CBL: variants seen among roughly 807,000 people sequenced by gnomAD.
CBL encodes the protein Cbl proto-oncogene, also known as E3 ubiquitin-protein ligase CBL.
In CBL, 45 loss-of-function variants were observed where a neutral mutation model predicts 96.9. The observed-to-expected ratio is 0.46, with a 90% CI of 0.37 to 0.60. CBL has a LOEUF of 0.60. CBL is among the 20% of genes least tolerant of loss of function. The probability of loss-of-function intolerance (pLI) is 0.00; values close to 1 mark genes in which losing one functional copy is unlikely to be tolerated. For missense variants in CBL, 1,024 were observed against 1,143.5 expected (o/e 0.90, Z 1.51); for synonymous variants, 420 against 426.8 (o/e 0.98, Z 0.20).
chr11:119,283,451 T>TA (rs1397968864), intron 9 of CBL, among the ~76,000 whole-genome samples: 1 of 152,000 alleles, frequency 6.6e-6, no homozygotes, highest in Non-Finnish European at 1.5e-5. Flanking sequence ...ATTTTTTTTT[T>TA]AATGAATTAC....
At position 119,304,448 on chromosome 11, in the gene CBL, G is replaced by T. The variant is rs886562978; in HGVS notation, c.*4667G>T. On this transcript the variant is annotated 3_prime_UTR_variant, in exon 16 of 16. Coordinates refer to ENST00000264033, the MANE Select transcript of CBL (RefSeq NM_005188.4). ...CAGGGTATTTCGCAGAACCCAGGAC[G>T]GGAAGTGCCTTTGGTTCTTGGGTGG... 4.3e-6 allele frequency: 1 copy of T among 232,932 alleles called. No individual in the cohort carries two copies. The highest frequency in any genetic ancestry group is 8.5e-6 in the Non-Finnish European group (1 of 117,986). The allele number at this position is 232,932 out of a possible 1,614,324, so 14.4% of individuals were successfully genotyped here.
At chr11:119,257,679 A>G (rs996293494) in intron 2 of CBL, among the ~76,000 whole-genome samples, 1 of 152,096 alleles carries the variant, frequency 6.6e-6, no homozygotes, top group Non-Finnish European at 1.5e-5. Context: ...TTGTGGTTTC[A>G]GGTCTTAGAT....
intron 2 of CBL, among the ~76,000 whole-genome samples, chr11:119,233,993 T>C (rs1419502751): frequency 1.3e-5 from 2 of 152,166 alleles, no homozygotes; most frequent in Admixed American, 1.3e-4. Flanking sequence ...CTTTTCTTTC[T>C]TTCTTTCTTT....
intron 2 of CBL, among the ~76,000 whole-genome samples, chr11:119,238,242 A>G (rs1479530957): frequency 4.8e-5 from 7 of 145,498 alleles, no homozygotes; most frequent in African/African-American, 7.7e-5. Context: ...TTTTTAATAG[A>G]TAGAGTCTTG....
chr11:119,256,792 C>T (rs1445251377), intron 2 of CBL, among the ~76,000 whole-genome samples: 2 of 151,600 alleles, frequency 1.3e-5, no homozygotes, highest in African/African-American at 4.9e-5. Context: ...GAGCTTAGCT[C>T]CTACTTATAA....
chr11:119,219,005 T>C (rs557271738), intron 1 of CBL, among the ~76,000 whole-genome samples: 1 of 152,088 alleles, frequency 6.6e-6, no homozygotes, highest in East Asian at 1.9e-4. Flanking sequence ...ATCACTTGTG[T>C]CCAGGAGTTC....
chr11:119,288,853 A>G (rs1460381228), intron 12 of CBL, among the ~76,000 whole-genome samples: 1 of 152,236 alleles, frequency 6.6e-6, no homozygotes, highest in Non-Finnish European at 1.5e-5. Flanking sequence ...CACACTGAGA[A>G]TAAGGGCTTC....
chr11:119,284,111 C>T (rs2135309344), intron 9 of CBL, among the ~76,000 whole-genome samples: 2 of 152,192 alleles, frequency 1.3e-5, no homozygotes, highest in East Asian at 3.9e-4. Flanking sequence ...CTCAAGCAAT[C>T]CTCCTGCCTC....
intron 15 of CBL, 71 bp downstream of exon 15, chr11:119,298,611 A>T: frequency 7.5e-7 from 1 of 1,336,836 alleles, no homozygotes; most frequent in Non-Finnish European, 1.1e-6. Flanking sequence ...TGAAAGGGAG[A>T]TGACCTTCTC....
chr11:119,222,962 G>A (rs1256858128), intron 1 of CBL, among the ~76,000 whole-genome samples: 1 of 152,030 alleles, frequency 6.6e-6, no homozygotes, highest in African/African-American at 2.4e-5. Context: ...GATAACTTGA[G>A]GCCAGGAGTT....
chr11:119,215,206 A>G (rs1312688289), intron 1 of CBL, among the ~76,000 whole-genome samples: 1 of 152,084 alleles, frequency 6.6e-6, no homozygotes, highest in Non-Finnish European at 1.5e-5. Flanking sequence ...CTGACTCTTG[A>G]TATAGGAAAA....
chr11:119,269,940 T>C (rs1949830444), intron 2 of CBL, among the ~76,000 whole-genome samples: 1 of 152,090 alleles, frequency 6.6e-6, no homozygotes, highest in Admixed American at 6.5e-5. Flanking sequence ...GAGCTTGCAG[T>C]GAGCCGAGAT....
chr11:119,300,068 C>T lies in CBL; in HGVS notation c.*287C>T. 1.8e-6 allele frequency: 1 copy of T among 569,430 alleles called. No individual in the cohort carries two copies. Among genetic ancestry groups the T allele is most frequent in the Non-Finnish European group, 3.1e-6 (1 of 319,026 alleles). The allele number at this position is 569,430 out of a possible 1,614,324, so 35.3% of individuals were successfully genotyped here. A position where few individuals can be genotyped will look rare whatever the true frequency, so the allele number is the denominator to read the frequency against. ...ATGATAACCTACCTGGGGAACAGTC[C>T]AGAAAGCTATAGAACAAGTATTTTG... On this transcript the variant is annotated 3_prime_UTR_variant, in exon 16 of 16. Coordinates refer to ENST00000264033, the MANE Select transcript of CBL (RefSeq NM_005188.4).
chr11:119,278,759 C>T (rs751598658), intron 9 of CBL, 46 bp downstream of exon 9: 24 of 1,469,494 alleles, frequency 1.6e-5, no homozygotes, highest in Middle Eastern at 2.0e-4. Flanking sequence ...TGTGAGTTGT[C>T]TTCTAAAGCC....
chr11:119,259,392 T>C (rs1449786256), intron 2 of CBL, among the ~76,000 whole-genome samples: 2 of 152,176 alleles, frequency 1.3e-5, no homozygotes, highest in Non-Finnish European at 1.5e-5. Context: ...TTTATTCTTA[T>C]GTTTTTCCCC....
chr11:119,219,180 C>A (rs1949387418), intron 1 of CBL, among the ~76,000 whole-genome samples: 1 of 151,994 alleles, frequency 6.6e-6, no homozygotes, highest in African/African-American at 2.4e-5. Flanking sequence ...AAGTTGGAGA[C>A]CAGCCTGGCC....
At chr11:119,229,672 T>C (rs900665680) in intron 1 of CBL, among the ~76,000 whole-genome samples, 5 of 151,908 alleles carry the variant, frequency 3.3e-5, no homozygotes, top group African/African-American at 1.2e-4. Context: ...AAATGTTGTA[T>C]TGAGAATGAT....
At chr11:119,255,135 TAAGTG>T (rs1949701590) in intron 2 of CBL, among the ~76,000 whole-genome samples, 1 of 152,104 alleles carries the variant, frequency 6.6e-6, no homozygotes, top group South Asian at 2.1e-4. Context: ...TTGAGCGTGA[TAAGTG>T]AAGTTAAAAA....
In CBL at chr11:119,303,972, A is replaced by G. The variant is rs553624403; in HGVS notation, c.*4191A>G. The G allele has an allele frequency of 1.7e-5, 4 of 233,616 alleles. No homozygotes were observed. Among genetic ancestry groups the G allele is most frequent in the Admixed American group, 1.1e-4 (2 of 17,798 alleles). The allele number at this position is 233,616 out of a possible 1,614,324, so 14.5% of individuals were successfully genotyped here. A position where few individuals can be genotyped will look rare whatever the true frequency, so the allele number is the denominator to read the frequency against. ...CTTTCAACAACCGTTGTGGCTAACTATGTTTTAGAAGGGCTGGAGGTGTGG... is the reference window on the plus strand; with the variant it reads ...CTTTCAACAACCGTTGTGGCTAACTGTGTTTTAGAAGGGCTGGAGGTGTGG... On this transcript the variant is annotated 3_prime_UTR_variant, in exon 16 of 16. Coordinates refer to ENST00000264033, the MANE Select transcript of CBL (RefSeq NM_005188.4).
Sources: gnomAD v4.1 joint callset for allele counts (sites outside exome capture counted in the v4.1 genomes callset) on GRCh38, gnomAD v4.1.1 for gene constraint, MANE v1.5 for transcripts, NCBI Gene and HGNC (gene_info 2026-07-23, HGNC 2026-07-21) for gene names.